HIPK2: variants seen among roughly 807,000 people sequenced by gnomAD.
HIPK2 encodes the protein homeodomain interacting protein kinase 2, also known as homeodomain-interacting protein kinase 2.
HIPK2 carries 27 observed loss-of-function variants against 113.7 expected under a neutral mutation model. The ratio of observed to expected loss-of-function variants is 0.24; its 90% CI spans 0.17 to 0.33. The LOEUF (loss-of-function observed/expected upper bound fraction) is 0.33. Among genes scored for constraint, HIPK2 ranks in the 10% least tolerant of loss-of-function variants. The pLI is 1.00. For missense variants in HIPK2, 1,257 were observed against 1,588.0 expected (o/e 0.79, Z 3.54); for synonymous variants, 631 against 642.2 (o/e 0.98, Z 0.26).
intron 2 of HIPK2, among the ~76,000 whole-genome samples, chr7:139,676,844 T>C (rs559938710): frequency 2.8e-5 from 3 of 107,026 alleles, no homozygotes; most frequent in South Asian, 4.8e-4. Context: ...ATTAGAACCA[T>C]AGTATTTCTT....
chr7:139,752,122 C>A (rs913376582), intron 1 of HIPK2, among the ~76,000 whole-genome samples: 7 of 152,186 alleles, frequency 4.6e-5, no homozygotes, highest in Non-Finnish European at 7.3e-5. Flanking sequence ...TCTCTAAATA[C>A]CTTTTCTCTA....
rs1638197 is a variant in HIPK2, at chr7:139,582,693, C to T, written c.2965+1124G>A. Among the ~76,000 whole-genome samples, 383 of 152,380 alleles carry T rather than the reference C, an allele frequency of 2.5e-3. 2 individuals are homozygous for T. The highest frequency in any genetic ancestry group is 8.9e-3 in the African/African-American group (370 of 41,584). On this transcript the variant is annotated intron_variant, in intron 13 of 14. Coordinates refer to ENST00000406875, the MANE Select transcript of HIPK2 (RefSeq NM_022740.5). ...GGAAGTAGGTGGCGGGGAGCGCAAG[C>T]CTGTGGCTGTCACCATCTCCCCTTT...
chr7:139,677,193 GTA>G (rs200769076), intron 2 of HIPK2, among the ~76,000 whole-genome samples: 2,100 of 149,388 alleles, frequency 0.014, 36 homozygotes, highest in African/African-American at 0.049. Context: ...GGATGTGTGT[GTA>G]TGTGTGTGTG....
chr7:139,748,835 C>T (rs922276751), intron 1 of HIPK2, among the ~76,000 whole-genome samples: 2 of 152,160 alleles, frequency 1.3e-5, no homozygotes, highest in African/African-American at 4.8e-5. Context: ...AAAAAGCACT[C>T]CTCCTGGCCC....
At chr7:139,658,393 C>T (rs943917973) in intron 2 of HIPK2, among the ~76,000 whole-genome samples, 2 of 151,930 alleles carry the variant, frequency 1.3e-5, no homozygotes, top group Non-Finnish European at 2.9e-5. Flanking sequence ...TTAACTCATT[C>T]ACTCACTCAA....
chr7:139,635,196 G>T (rs898527548), intron 2 of HIPK2, among the ~76,000 whole-genome samples: 3 of 151,340 alleles, frequency 2.0e-5, no homozygotes, highest in Non-Finnish European at 4.4e-5. Flanking sequence ...TTGTCACCTG[G>T]CCTCTTGGCT....
chr7:139,644,662 T>A (rs1366832573), intron 2 of HIPK2, among the ~76,000 whole-genome samples: 3 of 152,248 alleles, frequency 2.0e-5, no homozygotes, highest in Admixed American at 6.5e-5. Flanking sequence ...CATTTAGAGC[T>A]GTGTTGGGAA....
At chr7:139,761,000 T>G (rs2117142025) in intron 1 of HIPK2, among the ~76,000 whole-genome samples, 1 of 152,310 alleles carries the variant, frequency 6.6e-6, no homozygotes, top group East Asian at 1.9e-4. Context: ...GAGTAATGAT[T>G]AGAACACACC....
rs779530024 is a variant in HIPK2 at position 139,614,337 on chromosome 7, G to A, written c.1939C>T (p.Arg647Trp). The A allele has an allele frequency of 5.7e-6, 9 of 1,573,216 alleles. No homozygotes were observed. The highest frequency in any genetic ancestry group is 3.5e-6 in the Non-Finnish European group (4 of 1,153,758). The change falls in exon 8 of 15, where the codon CGG becomes TGG. Residue 647 changes from arginine to tryptophan, a missense_variant. By Grantham distance (101) the Arg-to-Trp change is moderately radical. Around this residue, in one of 5 missense-constraint regions of HIPK2, gnomAD observed 862 missense variants for 1,004.3 expected, o/e 0.86. Coordinates refer to ENST00000406875, the MANE Select transcript of HIPK2 (RefSeq NM_022740.5). ...AGAGCTTGCTGGAACGGGTCAGGCC[G>A]GGCACAAATCTGGGCTGTTCCTGTC... Reference protein sequence around the residue: ...LQTGTAQICARPDPFQQALIV... With the variant: ...LQTGTAQICAWPDPFQQALIV...
At chr7:139,635,355 G>A (rs987621533) in intron 2 of HIPK2, among the ~76,000 whole-genome samples, 1 of 152,192 alleles carries the variant, frequency 6.6e-6, no homozygotes, top group Non-Finnish European at 1.5e-5. Context: ...CTTCCTATCA[G>A]GTTAGTTACG....
At chr7:139,738,647 A>C (rs1406266787) in intron 1 of HIPK2, among the ~76,000 whole-genome samples, 2 of 152,196 alleles carry the variant, frequency 1.3e-5, no homozygotes, top group Non-Finnish European at 2.9e-5. Flanking sequence ...CAGCACATTC[A>C]AGGGCATGAC....
Position 139,728,135 on chromosome 7 carries a change from G to T in HIPK2, c.20-11120C>A, listed in dbSNP as rs147366974. On this transcript the variant is annotated intron_variant, in intron 1 of 14. Coordinates refer to ENST00000406875, the MANE Select transcript of HIPK2 (RefSeq NM_022740.5). ...ATTTTTATTTTTTTATAGAGACGGGGTCTCCCTATGTTGTCCAGGCTGGTC... is the reference window on the plus strand; with the variant it reads ...ATTTTTATTTTTTTATAGAGACGGGTTCTCCCTATGTTGTCCAGGCTGGTC... Among the ~76,000 whole-genome samples, 5 of 151,714 alleles carry T rather than the reference G, an allele frequency of 3.3e-5. No individual in the cohort carries two copies. In the East Asian group the frequency reaches 9.7e-4, roughly 29 times the overall value.
chr7:139,705,540 C>G (rs1041648522), intron 2 of HIPK2, among the ~76,000 whole-genome samples: 4 of 152,142 alleles, frequency 2.6e-5, no homozygotes, highest in African/African-American at 9.7e-5. Flanking sequence ...ACACGCCCAG[C>G]TGATTTTTTG....
At chr7:139,719,436 C>T (rs1293791631) in intron 1 of HIPK2, among the ~76,000 whole-genome samples, 3 of 152,096 alleles carry the variant, frequency 2.0e-5, no homozygotes, top group Non-Finnish European at 4.4e-5. Context: ...GCATTTCCAC[C>T]GTTTTGACTC....
At chr7:139,766,784 T>C (rs1415700357) in intron 1 of HIPK2, among the ~76,000 whole-genome samples, 2 of 152,220 alleles carry the variant, frequency 1.3e-5, no homozygotes, top group Non-Finnish European at 1.5e-5. Flanking sequence ...GAGAAAATCA[T>C]AGAGCTCTTA....
chr7:139,723,499 A>G (rs558580527), intron 1 of HIPK2, among the ~76,000 whole-genome samples: 2 of 152,264 alleles, frequency 1.3e-5, no homozygotes, highest in African/African-American at 2.4e-5. Flanking sequence ...CAGCCAACTC[A>G]CACAGTTTTT....
At position 139,561,780 on chromosome 7, in the gene HIPK2, G is replaced by A. The variant is rs1797955965; in HGVS notation, c.*11147C>T. On this transcript the variant is annotated 3_prime_UTR_variant, in exon 15 of 15. Coordinates refer to ENST00000406875, the MANE Select transcript of HIPK2 (RefSeq NM_022740.5). ...CCCCCCCCCTTTTTCTCACCCTACA[G>A]TTAGTAATATTACAATTAAAATAAC... is the stretch of plus-strand genomic sequence containing the variant. The A allele has an allele frequency of 6.8e-6, 1 of 148,010 alleles. No homozygotes were observed. The highest frequency in any genetic ancestry group is 2.1e-4 in the South Asian group (1 of 4,668). 9.2% of individuals were successfully genotyped at this position (148,010 alleles called of 1,614,324 possible).
At chr7:139,611,466 T>C (rs1799816796) in intron 9 of HIPK2, among the ~76,000 whole-genome samples, 1 of 152,218 alleles carries the variant, frequency 6.6e-6, no homozygotes, top group African/African-American at 2.4e-5. Context: ...TATGAGTGTC[T>C]TAATAGATAC....
In HIPK2 at chr7:139,639,959, C is replaced by T. The variant is rs566124719; in HGVS notation, c.1104-8234G>A. ...ACAGGGGCTGTTCCTGTTCTCGGTT[C>T]GGTTTCAGGCAGGTAGGGCTGCTGG... On this transcript the variant is annotated intron_variant, in intron 2 of 14. Transcript: ENST00000406875. Among the ~76,000 whole-genome samples the T allele has an allele frequency of 5.3e-5, 8 of 152,136 alleles. No individual in the cohort carries two copies. The South Asian group carries it at 1.7e-3, about 32-fold the overall frequency.
Sources: allele counts gnomAD v4.1 joint callset (sites outside exome capture counted in the v4.1 genomes callset), GRCh38; gene constraint gnomAD v4.1.1; regional missense constraint gnomAD v4.1.1; transcripts MANE v1.5; gene names NCBI Gene and HGNC (gene_info 2026-07-23, HGNC 2026-07-21).